CTNNA2: variants seen among roughly 807,000 people sequenced by gnomAD.
CTNNA2 encodes the protein catenin alpha-2.
Under a neutral mutation model 101.0 loss-of-function variants are expected in CTNNA2, and 42 were observed. That is an observed-to-expected ratio of 0.42 (90% CI 0.32 to 0.54). CTNNA2 has a LOEUF of 0.54. Among genes scored for constraint, CTNNA2 ranks in the 20% least tolerant of loss-of-function variants. The probability of loss-of-function intolerance (pLI) is 0.14; values close to 1 mark genes in which losing one functional copy is unlikely to be tolerated. For synonymous variants in CTNNA2, 450 were observed against 456.4 expected, an observed-to-expected ratio of 0.99 and a Z score of 0.18; for missense variants, 871 against 1,223.1, an observed-to-expected ratio of 0.71 and a Z score of 4.29.
intron 2 of CTNNA2, among the ~76,000 whole-genome samples, chr2:79,260,116 CCA>C (rs1426589327): frequency 6.6e-6 from 1 of 152,122 alleles, no homozygotes; most frequent in Non-Finnish European, 1.5e-5. Context: ...AGCCTCTCTT[CCA>C]CTTGAAGCTG....
intron 4 of CTNNA2, among the ~76,000 whole-genome samples, chr2:79,484,460 T>A (rs1671139538): frequency 2.6e-5 from 4 of 152,068 alleles, no homozygotes. Flanking sequence ...AAACAGAGGA[T>A]TCCTCCCTAA....
At chr2:79,801,452 G>A (rs1230653002) in intron 3 of CTNNA2, among the ~76,000 whole-genome samples, 1 of 152,164 alleles carries the variant, frequency 6.6e-6, no homozygotes, top group Non-Finnish European at 1.5e-5. Flanking sequence ...TGAGTTCCAG[G>A]TTATTGAGGC....
At chr2:80,390,360 T>G (rs1419841961) in intron 7 of CTNNA2, among the ~76,000 whole-genome samples, 1 of 152,204 alleles carries the variant, frequency 6.6e-6, no homozygotes, top group Non-Finnish European at 1.5e-5. Context: ...TCTTTGATGG[T>G]GAGAATTGTG....
intron 1 of CTNNA2, among the ~76,000 whole-genome samples, chr2:79,651,074 G>C (rs1681212465): frequency 6.6e-6 from 1 of 152,034 alleles, no homozygotes; most frequent in South Asian, 2.1e-4. Context: ...TGGTGGGACT[G>C]TAAACTAGTT....
chr2:79,619,784 C>T (rs1678874929), intron 1 of CTNNA2, among the ~76,000 whole-genome samples: 1 of 152,110 alleles, frequency 6.6e-6, no homozygotes, highest in Non-Finnish European at 1.5e-5. Context: ...CATATGAGAG[C>T]CGAAAATTTG....
At chr2:79,714,303 G>A (rs1420280568) in intron 2 of CTNNA2, among the ~76,000 whole-genome samples, 1 of 151,848 alleles carries the variant, frequency 6.6e-6, no homozygotes, top group African/African-American at 2.4e-5. Context: ...AACATTATGT[G>A]TTGTTTAACC....
chr2:79,288,970 T>G (rs1675709279), intron 2 of CTNNA2, among the ~76,000 whole-genome samples: 1 of 152,220 alleles, frequency 6.6e-6, no homozygotes, highest in South Asian at 2.1e-4. Flanking sequence ...GATAGTCACT[T>G]TTTTTCTACT....
At chr2:80,032,914 A>C (rs761342566) in intron 7 of CTNNA2, among the ~76,000 whole-genome samples, 74 of 152,198 alleles carry the variant, frequency 4.9e-4, no homozygotes, top group Non-Finnish European at 6.2e-4. Context: ...TCACTTTGGG[A>C]GGCTGAGACA....
intron 3 of CTNNA2, among the ~76,000 whole-genome samples, chr2:79,813,869 G>C (rs569372757): frequency 1.3e-5 from 2 of 152,100 alleles, no homozygotes; most frequent in East Asian, 3.9e-4. Context: ...ATATTGTTTT[G>C]TGCTTCTGGA....
chr2:79,338,587 T>C lies in CTNNA2; in HGVS notation c.-318+25791T>C, dbSNP rs201024799. ...CTTCTTCCTCCTCATCATCTTCTTCTTCTTCTTCTTCTTCTTCTTCTTCTT... is the reference window on the plus strand; with the variant it reads ...CTTCTTCCTCCTCATCATCTTCTTCCTCTTCTTCTTCTTCTTCTTCTTCTT... On this transcript the variant is annotated intron_variant, in intron 3 of 21. Coordinates refer to the CTNNA2 transcript ENST00000466387. 2.8e-3 allele frequency among the ~76,000 whole-genome samples: 297 copies of C among 104,340 alleles called. 3 individuals are homozygous for C. Among genetic ancestry groups the C allele is most frequent in the African/African-American group, 8.2e-3 (211 of 25,876 alleles). The allele number at this position is 104,340 out of a possible 152,430, so 68.5% of individuals were successfully genotyped here. A position where few individuals can be genotyped will look rare whatever the true frequency, so the allele number is the denominator to read the frequency against.
chr2:80,136,918 A>T (rs1278672808), intron 7 of CTNNA2, among the ~76,000 whole-genome samples: 1 of 152,162 alleles, frequency 6.6e-6, no homozygotes, highest in Admixed American at 6.6e-5. Flanking sequence ...AGCAGCACAC[A>T]ACTGCTGCTG....
Position 79,632,737 on chromosome 2 carries a change from T to C in CTNNA2, c.-5-18815T>C, listed in dbSNP as rs943363718. Among the ~76,000 whole-genome samples the C allele has an allele frequency of 2.6e-5, 4 of 152,236 alleles. No homozygotes were observed. In the South Asian group the frequency reaches 6.2e-4, roughly 24 times the overall value. Reference sequence around the variant, plus strand: ...TGGCCTTTTAATTACTTCACAATGATTGGGGCATCCAAAATGGCCCCTGGA... The same window carrying C: ...TGGCCTTTTAATTACTTCACAATGACTGGGGCATCCAAAATGGCCCCTGGA... On this transcript the variant is annotated intron_variant, in intron 1 of 18. Transcript: ENST00000402739.
chr2:79,777,327 A>G (rs200280883), intron 3 of CTNNA2, among the ~76,000 whole-genome samples: 19 of 139,678 alleles, frequency 1.4e-4, no homozygotes, highest in South Asian at 2.4e-4. Context: ...AACACTTGTT[A>G]TGTGTGTGTG....
At chr2:80,089,000 T>C (rs1174636787) in intron 7 of CTNNA2, among the ~76,000 whole-genome samples, 2 of 151,862 alleles carry the variant, frequency 1.3e-5, no homozygotes, top group Non-Finnish European at 2.9e-5. Context: ...AATAAACCCA[T>C]TTCACTGTGT....
chr2:80,617,639 GA>G (rs1698963565), intron 17 of CTNNA2, among the ~76,000 whole-genome samples: 1 of 151,490 alleles, frequency 6.6e-6, no homozygotes, highest in African/African-American at 2.4e-5. Flanking sequence ...ATTTTGAAGT[GA>G]AAAATGGACA....
intron 9 of CTNNA2, among the ~76,000 whole-genome samples, chr2:80,476,685 C>T (rs560514644): frequency 1.3e-5 from 2 of 152,266 alleles, no homozygotes; most frequent in South Asian, 2.1e-4. Flanking sequence ...TTACTGACAA[C>T]ACCACAATGC....
chr2:80,432,359 T>G (rs1161816932), intron 9 of CTNNA2, among the ~76,000 whole-genome samples: 2 of 152,220 alleles, frequency 1.3e-5, no homozygotes, highest in South Asian at 4.1e-4. Context: ...ATTGATGTTT[T>G]AATTGACCTT....
intron 15 of CTNNA2, among the ~76,000 whole-genome samples, chr2:80,597,585 G>T (rs1026196839): frequency 2.0e-5 from 3 of 152,032 alleles, no homozygotes; most frequent in African/African-American, 4.8e-5. Context: ...TCTGGCAAGG[G>T]TCTAATATCC....
At chr2:80,586,296 T>C (rs917290660) in intron 14 of CTNNA2, 1 of 152,216 alleles carries the variant, frequency 6.6e-6, no homozygotes, top group African/African-American at 2.4e-5. Flanking sequence ...CAGAGAAGTA[T>C]ACACTTTTCA....
Sources: gnomAD v4.1 joint callset for allele counts (sites outside exome capture counted in the v4.1 genomes callset) on GRCh38, gnomAD v4.1.1 for gene constraint, MANE v1.5 for transcripts, NCBI Gene and HGNC (gene_info 2026-07-23, HGNC 2026-07-21) for gene names.